Variants in ADORA2B observed in about 807,000 individuals in gnomAD.
ADORA2B encodes adenosine A2b receptor.
In ADORA2B, 18 loss-of-function variants were observed where a neutral mutation model predicts 20.8. The ratio of observed to expected loss-of-function variants is 0.87; its 90% confidence interval spans 0.60 to 1.29. The LOEUF is 1.29. ADORA2B is among the 50% of genes most tolerant of loss of function. The pLI is 0.00. For synonymous variants in ADORA2B, 179 were observed against 178.3 expected (o/e 1.00, Z -0.03); for missense variants, 441 against 422.7 (o/e 1.04, Z -0.38).
the ADORA2B span, among the ~76,000 whole-genome samples, chr17:15,874,064 GTGTGTATA>G: frequency 1.4e-5 from 2 of 144,834 alleles, no homozygotes; most frequent in African/African-American, 5.4e-5. Context: ...ATATATGTGT[GTGTGTATA>G]TATATATATG....
chr17:15,874,194 A>C, the ADORA2B span, among the ~76,000 whole-genome samples: 1 of 151,810 alleles, frequency 6.6e-6, no homozygotes, highest in African/African-American at 2.4e-5. Flanking sequence ...GCTGGAGGCC[A>C]TTATTCTAAA....
the ADORA2B span, among the ~76,000 whole-genome samples, chr17:15,925,828 A>T: frequency 6.6e-6 from 1 of 152,046 alleles, no homozygotes; most frequent in Non-Finnish European, 1.5e-5. Context: ...AAAATTAGCC[A>T]GGTGTGGTGG....
chr17:15,902,597 A>T, the ADORA2B span, among the ~76,000 whole-genome samples: 2 of 152,174 alleles, frequency 1.3e-5, no homozygotes, highest in Non-Finnish European at 2.9e-5. Flanking sequence ...TTCCAAACCA[A>T]GTTCATTTTC....
At chr17:15,913,067 C>T in the ADORA2B span, among the ~76,000 whole-genome samples, 2 of 152,294 alleles carry the variant, frequency 1.3e-5, no homozygotes, top group East Asian at 3.9e-4. Context: ...CCAACGTGCC[C>T]CCTGAGGCAT....
chr17:15,934,171 A>G, the ADORA2B span, among the ~76,000 whole-genome samples: 3 of 152,122 alleles, frequency 2.0e-5, no homozygotes, highest in African/African-American at 7.2e-5. Flanking sequence ...AATCTTATTC[A>G]TTAAACCAAC....
At chr17:15,920,797 A>C in the ADORA2B span, among the ~76,000 whole-genome samples, 10 of 151,970 alleles carry the variant, frequency 6.6e-5, no homozygotes, top group Non-Finnish European at 1.2e-4. Flanking sequence ...AAGGTGCATC[A>C]CAGCACCGCG....
intron 1 of ADORA2B, among the ~76,000 whole-genome samples, chr17:15,953,153 C>T (rs1969926651): frequency 1.3e-5 from 2 of 152,092 alleles, no homozygotes; most frequent in East Asian, 1.9e-4. Flanking sequence ...CCTGAGCTGG[C>T]CTGGCACCTT....
chr17:15,920,467 A>C, the ADORA2B span, among the ~76,000 whole-genome samples: 1 of 152,184 alleles, frequency 6.6e-6, no homozygotes, highest in African/African-American at 2.4e-5. Context: ...TCACGCCTGT[A>C]ATCCCAGCAC....
the ADORA2B span, among the ~76,000 whole-genome samples, chr17:15,869,638 C>T: frequency 1.3e-5 from 2 of 152,100 alleles, no homozygotes; most frequent in African/African-American, 4.8e-5. Flanking sequence ...GGGATGACAG[C>T]GTCAGGAATG....
chr17:15,891,689 T>C, the ADORA2B span, among the ~76,000 whole-genome samples: 1 of 147,928 alleles, frequency 6.8e-6, no homozygotes, highest in African/African-American at 2.6e-5. Flanking sequence ...CTTTCTCTCT[T>C]TTTTTTTTTC....
At chr17:15,924,030 C>A in the ADORA2B span, among the ~76,000 whole-genome samples, 1 of 151,984 alleles carries the variant, frequency 6.6e-6, no homozygotes, top group Non-Finnish European at 1.5e-5. Context: ...CTCCTGCCTT[C>A]GCCTCCAGAG....
the ADORA2B span, among the ~76,000 whole-genome samples, chr17:15,919,526 G>A: frequency 4.6e-5 from 7 of 152,190 alleles, no homozygotes; most frequent in Non-Finnish European, 8.8e-5. Context: ...ATTTTGGGGT[G>A]AATGTCTGTT....
chr17:15,941,728 CAAAAAA>C (rs750541311), upstream of ADORA2B, among the ~76,000 whole-genome samples: 1 of 87,336 alleles, frequency 1.1e-5, no homozygotes. Flanking sequence ...ACTCTTGTTT[CAAAAAA>C]AAAAAAAAAA....
intron 1 of ADORA2B, among the ~76,000 whole-genome samples, chr17:15,954,360 T>C (rs1969941614): frequency 1.3e-5 from 2 of 152,188 alleles, no homozygotes; most frequent in African/African-American, 2.4e-5. Flanking sequence ...AGGTTTACCA[T>C]CTGGAAATTA....
the ADORA2B span, among the ~76,000 whole-genome samples, chr17:15,887,946 T>TC: frequency 5.3e-5 from 2 of 37,434 alleles, no homozygotes; most frequent in South Asian, 2.0e-3. Flanking sequence ...GAGCCAAGAC[T>TC]CCATCAAAAA....
chr17:15,928,822 A>G, the ADORA2B span, among the ~76,000 whole-genome samples: 1 of 152,110 alleles, frequency 6.6e-6, no homozygotes, highest in Non-Finnish European at 1.5e-5. Flanking sequence ...ACAGAAGGAC[A>G]GTGTGAGGAG....
the ADORA2B span, among the ~76,000 whole-genome samples, chr17:15,933,789 T>TAGAG: frequency 4.6e-5 from 7 of 151,868 alleles, no homozygotes; most frequent in African/African-American, 1.7e-4. Context: ...TATATATATA[T>TAGAG]AGAGAGAGAG....
chr17:15,959,361 T>G (rs187713336), intron 1 of ADORA2B, among the ~76,000 whole-genome samples: 1 of 152,324 alleles, frequency 6.6e-6, no homozygotes, highest in Non-Finnish European at 1.5e-5. Flanking sequence ...GTGTATTGTT[T>G]CACAGCTTTT....
chr17:15,913,069 C>G, the ADORA2B span, among the ~76,000 whole-genome samples: 1 of 152,198 alleles, frequency 6.6e-6, no homozygotes. Flanking sequence ...AACGTGCCCC[C>G]TGAGGCATCT....
Sources: allele counts gnomAD v4.1 joint callset (sites outside exome capture counted in the v4.1 genomes callset), GRCh38; gene constraint gnomAD v4.1.1; transcripts MANE v1.5; gene names NCBI Gene and HGNC (gene_info 2026-07-23, HGNC 2026-07-21).